EPB41L2: variants seen among roughly 807,000 people sequenced by gnomAD.
The protein encoded by EPB41L2 is erythrocyte membrane protein band 4.1 like 2, also known as band 4.1-like protein 2.
Under a neutral mutation model 113.0 loss-of-function variants are expected in EPB41L2, and 43 were observed. That is an observed-to-expected ratio of 0.38 (90% CI 0.30 to 0.49). The LOEUF is 0.49. EPB41L2 is among the 20% of genes least tolerant of loss of function. The probability of loss-of-function intolerance (pLI) is 0.95; values close to 1 mark genes in which losing one functional copy is unlikely to be tolerated. For missense variants in EPB41L2, 1,147 were observed against 1,223.4 expected (o/e 0.94, Z 0.93); for synonymous variants, 442 against 436.7 (o/e 1.01, Z -0.15).
intron 1 of EPB41L2, among the ~76,000 whole-genome samples, chr6:131,002,659 A>C (rs1378530958): frequency 1.3e-5 from 2 of 152,230 alleles, no homozygotes; most frequent in Non-Finnish European, 2.9e-5. Flanking sequence ...ATTAGTTTTA[A>C]TATGGTGGAA....
intron 4 of EPB41L2, among the ~76,000 whole-genome samples, chr6:130,912,390 C>T (rs748705611): frequency 7.2e-5 from 11 of 152,078 alleles, no homozygotes; most frequent in Admixed American, 2.6e-4. Flanking sequence ...AAAAGTAAAA[C>T]AGTAAGATGC....
At chr6:131,041,643 G>T (rs1794476441) in intron 1 of EPB41L2, among the ~76,000 whole-genome samples, 1 of 152,064 alleles carries the variant, frequency 6.6e-6, no homozygotes, top group Non-Finnish European at 1.5e-5. Context: ...CACAGGCAGG[G>T]ATGCAATCAA....
At chr6:131,062,919 G>C (rs1799001235) in intron 1 of EPB41L2, among the ~76,000 whole-genome samples, 1 of 152,070 alleles carries the variant, frequency 6.6e-6, no homozygotes, top group Non-Finnish European at 1.5e-5. Context: ...CCCCGGGCAA[G>C]AATCGGGTCG....
intron 1 of EPB41L2, chr6:131,014,104 A>T (rs200754340): frequency 6.6e-6 from 1 of 151,236 alleles, no homozygotes; most frequent in East Asian, 1.9e-4. Context: ...CTCACTCACC[A>T]TATCTTTCAT....
At chr6:131,013,246 AAAAATAT>A (rs1787449512) in intron 1 of EPB41L2, among the ~76,000 whole-genome samples, 1 of 151,612 alleles carries the variant, frequency 6.6e-6, no homozygotes, top group Non-Finnish European at 1.5e-5. Flanking sequence ...AAAGAAAAAA[AAAAATAT>A]ATATATATAA....
At chr6:131,058,243 T>A (rs1327945006) in intron 1 of EPB41L2, among the ~76,000 whole-genome samples, 1 of 152,298 alleles carries the variant, frequency 6.6e-6, no homozygotes, top group East Asian at 1.9e-4. Context: ...CACTCATAGA[T>A]CACATGAAAT....
intron 1 of EPB41L2, among the ~76,000 whole-genome samples, chr6:131,039,366 G>GA (rs1793985662): frequency 6.6e-6 from 1 of 152,194 alleles, no homozygotes; most frequent in Non-Finnish European, 1.5e-5. Context: ...AGAATAGGAA[G>GA]AAAGTAATGA....
intron 12 of EPB41L2, chr6:130,880,905 G>A (rs1378843434): frequency 6.1e-6 from 1 of 164,856 alleles, no homozygotes; most frequent in East Asian, 1.7e-4. Context: ...GGGAACAAAT[G>A]TTCAACCTAT....
At chr6:130,874,283 C>CTATT (rs1338914825) in intron 14 of EPB41L2, among the ~76,000 whole-genome samples, 1 of 151,292 alleles carries the variant, frequency 6.6e-6, no homozygotes, top group Non-Finnish European at 1.5e-5. Flanking sequence ...TAAAAAGAAA[C>CTATT]TATTCCTGCT....
At chr6:130,987,026 C>G (rs1480298360) in intron 1 of EPB41L2, among the ~76,000 whole-genome samples, 1 of 152,088 alleles carries the variant, frequency 6.6e-6, no homozygotes, top group Admixed American at 6.5e-5. Flanking sequence ...CTTATGTTTT[C>G]AAGGTTCATA....
chr6:130,978,143 C>G (rs368313232), intron 1 of EPB41L2, among the ~76,000 whole-genome samples: 2 of 152,354 alleles, frequency 1.3e-5, no homozygotes, highest in African/African-American at 4.8e-5. Flanking sequence ...CCAAGAGGCT[C>G]TGCTAGAACC....
chr6:131,042,231 C>T (rs1211331402), intron 1 of EPB41L2, among the ~76,000 whole-genome samples: 2 of 152,174 alleles, frequency 1.3e-5, no homozygotes, highest in African/African-American at 4.8e-5. Context: ...AGCATCTTCA[C>T]CTCATCATAG....
chr6:130,876,760 G>T, intron 14 of EPB41L2: 2 of 1,303,726 alleles, frequency 1.5e-6, no homozygotes, highest in South Asian at 2.5e-5. Context: ...TCCTTGAAAA[G>T]ATGGTCTCCT....
At position 130,956,441 on chromosome 6, in the gene EPB41L2, A is replaced by G. The variant is rs561504586; in HGVS notation, c.45T>C (p.Ser15=). ...TGGTTGCATCTGTTCCTAACTGGCT[A>G]GAGTCCTTCTTCACTTCAGACACAG... ...VGSVSEVKKD[S]SQLGTDATKE... is the part of the protein sequence containing the mutation. The change falls in exon 2 of 20, where the codon TCT becomes TCC. Residue 15 remains serine, a synonymous_variant. Coordinates refer to ENST00000337057, the MANE Select transcript of EPB41L2 (RefSeq NM_001431.4). The G allele has an allele frequency of 9.3e-6, 15 of 1,614,022 alleles. No homozygotes were observed. In the African/African-American group the frequency reaches 1.3e-4, roughly 14 times the overall value.
At position 130,936,899 on chromosome 6, in the gene EPB41L2, A is replaced by C. The variant is rs557178571; in HGVS notation, c.706-10190T>G. On this transcript the variant is annotated intron_variant, in intron 3 of 19. Coordinates refer to ENST00000337057, the MANE Select transcript of EPB41L2 (RefSeq NM_001431.4). ...CAAAGCAGTTCTTAACTCTGGCTGC[A>C]CAAATGCTCCAGCCGGCATCAGACC... Among the ~76,000 whole-genome samples the C allele has an allele frequency of 2.6e-5, 4 of 152,356 alleles. No homozygotes were observed. The South Asian group carries it at 6.2e-4, about 24-fold the overall frequency.
chr6:130,947,016 G>GCCCC (rs768961021), intron 3 of EPB41L2, among the ~76,000 whole-genome samples: 1 of 129,682 alleles, frequency 7.7e-6, no homozygotes, highest in African/African-American at 3.6e-5. Context: ...GAATAAAGAA[G>GCCCC]ACCCCCCCCC....
chr6:130,872,136 T>C (rs754884002), intron 14 of EPB41L2, among the ~76,000 whole-genome samples: 5 of 152,168 alleles, frequency 3.3e-5, no homozygotes, highest in African/African-American at 4.8e-5. Flanking sequence ...TGATTTAAAT[T>C]ATTCTCTGAA....
At chr6:131,009,415 A>C (rs1786388584) in intron 1 of EPB41L2, among the ~76,000 whole-genome samples, 1 of 152,136 alleles carries the variant, frequency 6.6e-6, no homozygotes, top group Admixed American at 6.5e-5. Flanking sequence ...ATGAGAACAG[A>C]CTAATACACA....
chr6:130,956,236 T>C lies in EPB41L2; in HGVS notation c.250A>G (p.Lys84Glu). 6.2e-7 allele frequency: 1 copy of C among 1,614,190 alleles called. No individual in the cohort carries two copies. Among genetic ancestry groups the C allele is most frequent in the South Asian group, 1.1e-5 (1 of 91,078 alleles). ...ACTACTAAGGTATATGACTTTTGCTTCTTAAGCCATGGCGGTATGAACCGA... is the reference window on the plus strand; with the variant it reads ...ACTACTAAGGTATATGACTTTTGCTCCTTAAGCCATGGCGGTATGAACCGA... ...ISRFIPPWLK[K>E]QKSYTLVVAK... Residue 84 changes from lysine to glutamate, a missense_variant, in exon 2 of 20, where the codon AAG becomes GAG. Lys to Glu is a moderately conservative substitution (Grantham distance 56). Transcript: ENST00000337057.
Sources: allele counts gnomAD v4.1 joint callset (sites outside exome capture counted in the v4.1 genomes callset), GRCh38; gene constraint gnomAD v4.1.1; transcripts MANE v1.5; gene names NCBI Gene and HGNC (gene_info 2026-07-23, HGNC 2026-07-21).